Variants in KPNA5 observed in about 807,000 individuals in gnomAD.
KPNA5 encodes karyopherin subunit alpha 5.
A neutral mutation model predicts 71.3 loss-of-function variants in KPNA5; 46 were observed. That is an observed-to-expected ratio of 0.65 (90% CI 0.51 to 0.83). The LOEUF is 0.83. Among genes scored for constraint, KPNA5 ranks in the 40% least tolerant of loss-of-function variants. The pLI is 0.00. For synonymous variants in KPNA5, 207 were observed against 201.4 expected, an observed-to-expected ratio of 1.03 and a Z score of -0.24; for missense variants, 547 against 628.3, an observed-to-expected ratio of 0.87 and a Z score of 1.38.
chr6:116,715,059 C>G (rs1377594654), intron 7 of KPNA5, among the ~76,000 whole-genome samples: 1 of 152,132 alleles, frequency 6.6e-6, no homozygotes, highest in African/African-American at 2.4e-5. Context: ...TTTTGACTAT[C>G]TTCAGAGTTC....
rs1779672987 is a variant in KPNA5, at chr6:116,736,486, C to T, written c.*4163C>T. The T allele has an allele frequency of 2.0e-5, 3 of 151,926 alleles. No individual in the cohort carries two copies. The South Asian group carries it at 6.2e-4, about 31-fold the overall frequency. The allele number at this position is 151,926 out of a possible 1,614,324, so 9.4% of individuals were successfully genotyped here. On this transcript the variant is annotated 3_prime_UTR_variant, in exon 14 of 14. Coordinates refer to ENST00000368564, the MANE Select transcript of KPNA5 (RefSeq NM_001366306.2). ...AAGTTCACTTTTTTACTGGCACTAG[C>T]CATATTTCAAGTGCTCAGTAGGGAG... is the stretch of plus-strand genomic sequence containing the variant.
chr6:116,716,184 A>G (rs751763351), intron 7 of KPNA5, 35 bp from the exon 8 acceptor site: 3 of 1,463,480 alleles, frequency 2.0e-6, no homozygotes, highest in South Asian at 1.2e-5. Context: ...AAATGAATGT[A>G]AGGTGATAAT....
chr6:116,704,295 C>T (rs1778349857), intron 6 of KPNA5, among the ~76,000 whole-genome samples: 1 of 152,082 alleles, frequency 6.6e-6, no homozygotes, highest in Non-Finnish European at 1.5e-5. Context: ...CACCTCACCT[C>T]CCAAAGTGCT....
At chr6:116,725,036 G>A (rs1333089976) in intron 10 of KPNA5, among the ~76,000 whole-genome samples, 1 of 151,964 alleles carries the variant, frequency 6.6e-6, no homozygotes, top group Non-Finnish European at 1.5e-5. Flanking sequence ...TCCTTTTAAA[G>A]GCCTATTTGG....
chr6:116,698,580 G>C, intron 4 of KPNA5, 124 bp from the exon 5 acceptor site: 1 of 598,298 alleles, frequency 1.7e-6, no homozygotes, highest in South Asian at 2.1e-5. Flanking sequence ...CTAGCTAAGG[G>C]TTTTAATCTT....
chr6:116,724,869 C>T (rs1042101540), intron 10 of KPNA5, among the ~76,000 whole-genome samples: 1 of 152,164 alleles, frequency 6.6e-6, no homozygotes, highest in Non-Finnish European at 1.5e-5. Flanking sequence ...CCTGCTTTGG[C>T]CTCTCAAAGC....
At chr6:116,723,404 C>A (rs117920419) in intron 9 of KPNA5, among the ~76,000 whole-genome samples, 1 of 152,152 alleles carries the variant, frequency 6.6e-6, no homozygotes, top group Non-Finnish European at 1.5e-5. Flanking sequence ...AAGTTCAAAT[C>A]GAAGTTTCTA....
chr6:116,701,055 A>G (rs1381250737), intron 5 of KPNA5, among the ~76,000 whole-genome samples: 1 of 152,102 alleles, frequency 6.6e-6, no homozygotes, highest in African/African-American at 2.4e-5. Flanking sequence ...CATTATCTAC[A>G]ATTGGTTAGA....
At chr6:116,708,109 A>G (rs549155610) in intron 7 of KPNA5, among the ~76,000 whole-genome samples, 1 of 152,356 alleles carries the variant, frequency 6.6e-6, no homozygotes, top group African/African-American at 2.4e-5. Context: ...TGGCTGAATT[A>G]TATTCCATTT....
intron 4 of KPNA5, among the ~76,000 whole-genome samples, chr6:116,692,965 T>C (rs1777863472): frequency 6.6e-6 from 1 of 152,152 alleles, no homozygotes. Flanking sequence ...AATTCCCACC[T>C]ATGAGTGAGA....
chr6:116,729,078 T>A (rs1443660713), intron 12 of KPNA5, among the ~76,000 whole-genome samples: 1 of 152,004 alleles, frequency 6.6e-6, no homozygotes, highest in African/African-American at 2.4e-5. Flanking sequence ...TAGCTGTGAT[T>A]GTTTTTATGG....
intron 1 of KPNA5, among the ~76,000 whole-genome samples, chr6:116,683,750 AC>A (rs1320578666): frequency 6.6e-6 from 1 of 151,588 alleles, no homozygotes; most frequent in Non-Finnish European, 1.5e-5. Flanking sequence ...GGTGCCCACC[AC>A]CACGCCCGGC....
At chr6:116,724,269 T>C in intron 9 of KPNA5, 28 bp from the exon 10 acceptor site, 1 of 1,479,714 alleles carries the variant, frequency 6.8e-7, no homozygotes, top group South Asian at 1.1e-5. Flanking sequence ...CTTACTAGTA[T>C]TTAGGTTCAT....
Position 116,736,444 on chromosome 6 carries a change from G to C in KPNA5, c.*4121G>C, listed in dbSNP as rs1779670353. On this transcript the variant is annotated 3_prime_UTR_variant, in exon 14 of 14. Transcript: ENST00000368564. Reference sequence around the variant, plus strand: ...TTTCTAATAAATTCAGAGATGTGCTGCCATCACCATAAGCAAAAGTTCACT... The same window carrying C: ...TTTCTAATAAATTCAGAGATGTGCTCCCATCACCATAAGCAAAAGTTCACT... 1 of 152,070 alleles carries C rather than the reference G, an allele frequency of 6.6e-6. No homozygotes were observed. Among genetic ancestry groups the C allele is most frequent in the African/African-American group, 2.4e-5 (1 of 41,552 alleles). 9.4% of individuals were successfully genotyped at this position (152,070 alleles called of 1,614,324 possible). A position where few individuals can be genotyped will look rare whatever the true frequency, so the allele number is the denominator to read the frequency against.
rs935065758 is a variant in KPNA5 at position 116,740,652 on chromosome 6, T to C, written c.*8329T>C. On this transcript the variant is annotated 3_prime_UTR_variant, in exon 14 of 14. Transcript: ENST00000368564. ...AATGTGGCACATATACACCATGGAATACTATGCAGCCATAAAAAATGATGA... is the reference window on the plus strand; with the variant it reads ...AATGTGGCACATATACACCATGGAACACTATGCAGCCATAAAAAATGATGA... The C allele has an allele frequency of 6.6e-6, 1 of 152,054 alleles. No homozygotes were observed. Among genetic ancestry groups the C allele is most frequent in the African/African-American group, 2.4e-5 (1 of 41,398 alleles). 9.4% of individuals were successfully genotyped at this position (152,054 alleles called of 1,614,324 possible).
intron 12 of KPNA5, among the ~76,000 whole-genome samples, chr6:116,729,233 AAAC>A (rs1583448560): frequency 6.6e-6 from 1 of 150,488 alleles, no homozygotes; most frequent in Non-Finnish European, 1.5e-5. Flanking sequence ...AAAAAAAAAA[AAAC>A]AACCTTTCGA....
Position 116,692,345 on chromosome 6 carries a change from A to T in KPNA5, c.293A>T (p.Asp98Val), listed in dbSNP as rs1562430457. The T allele has an allele frequency of 1.2e-6, 2 of 1,606,200 alleles. No homozygotes were observed. The highest frequency in any genetic ancestry group is 1.7e-6 in the Non-Finnish European group (2 of 1,177,764). The change falls in exon 4 of 14, where the codon GAT becomes GTT. Residue 98 changes from aspartate (D) to valine (V), a missense_variant. Transcript: ENST00000368564. ...MVQMIFSNNA[D>V]QQLTATQKFR... Reference sequence around the variant, plus strand: ...CAGATGATTTTTTCTAATAATGCTGATCAACAGCTAACAGCAACACAGAAA... The same window carrying T: ...CAGATGATTTTTTCTAATAATGCTGTTCAACAGCTAACAGCAACACAGAAA...
chr6:116,707,310 C>CCTCGCT (rs1182592832), intron 7 of KPNA5, among the ~76,000 whole-genome samples: 1 of 152,114 alleles, frequency 6.6e-6, no homozygotes, highest in Non-Finnish European at 1.5e-5. Flanking sequence ...ATTTGATTCT[C>CCTCGCT]AGTAAATGTA....
rs963580449 is a variant in KPNA5 at position 116,732,459 on chromosome 6, A to G, written c.*136A>G. ...GATGCACTTTTAGAAAGCAAAATGA[A>G]ACAAAAATTTCCATTCAGATGCAAC... On this transcript the variant is annotated 3_prime_UTR_variant, in exon 14 of 14. Coordinates refer to ENST00000368564, the MANE Select transcript of KPNA5 (RefSeq NM_001366306.2). The G allele has an allele frequency of 1.7e-5, 7 of 403,780 alleles. No homozygotes were observed. Among genetic ancestry groups the G allele is most frequent in the Non-Finnish European group, 3.0e-5 (7 of 233,510 alleles). The allele number at this position is 403,780 out of a possible 1,614,324, so 25.0% of individuals were successfully genotyped here. A position where few individuals can be genotyped will look rare whatever the true frequency, so the allele number is the denominator to read the frequency against.
Sources: allele counts gnomAD v4.1 joint callset (sites outside exome capture counted in the v4.1 genomes callset), GRCh38; gene constraint gnomAD v4.1.1; transcripts MANE v1.5; gene names NCBI Gene and HGNC (gene_info 2026-07-23, HGNC 2026-07-21).